Variants in PPARD observed in about 807,000 individuals in gnomAD.
The protein encoded by PPARD is peroxisome proliferator-activated receptor delta.
Under a neutral mutation model 39.5 loss-of-function variants are expected in PPARD, and 6 were observed. The observed-to-expected ratio is 0.15, with a 90% CI of 0.08 to 0.30. The LOEUF is 0.30. Ranked by LOEUF, PPARD falls within the 10% of genes least tolerant of loss-of-function variation. PPARD has a pLI of 1.00. For missense variants in PPARD, 397 were observed against 596.8 expected (o/e 0.67, Z 3.49); for synonymous variants, 210 against 231.3 (o/e 0.91, Z 0.83).
chr6:35,386,870 T>G (rs548380358), intron 2 of PPARD, among the ~76,000 whole-genome samples: 1 of 152,050 alleles, frequency 6.6e-6, no homozygotes, highest in Non-Finnish European at 1.5e-5. Flanking sequence ...TGTGGGACCC[T>G]TAGTGCTGTG....
chr6:35,418,262 G>A (rs1216204815), intron 3 of PPARD, among the ~76,000 whole-genome samples: 2 of 152,232 alleles, frequency 1.3e-5, no homozygotes, highest in East Asian at 3.9e-4. Context: ...ATCTGCACAG[G>A]CATCCACAAA....
intron 3 of PPARD, among the ~76,000 whole-genome samples, chr6:35,415,798 G>A (rs551318938): frequency 1.3e-5 from 2 of 152,004 alleles, no homozygotes; most frequent in East Asian, 1.9e-4. Flanking sequence ...GTGTGTGTGT[G>A]TGTGTTGAAA....
At chr6:35,353,340 AG>A in intron 2 of PPARD, among the ~76,000 whole-genome samples, 1 of 152,268 alleles carries the variant, frequency 6.6e-6, no homozygotes, top group South Asian at 2.1e-4. Flanking sequence ...ATTAAATCTG[AG>A]TTCCTCTGGT....
intron 2 of PPARD, among the ~76,000 whole-genome samples, chr6:35,367,825 TG>T (rs1762285166): frequency 1.3e-5 from 2 of 152,270 alleles, no homozygotes; most frequent in Non-Finnish European, 2.9e-5. Context: ...TGTTGAGGCC[TG>T]GGCTCACGTC....
chr6:35,355,552 T>TAAAA (rs1171537260), intron 2 of PPARD, among the ~76,000 whole-genome samples: 3 of 59,418 alleles, frequency 5.0e-5, no homozygotes, highest in Non-Finnish European at 6.0e-5. Flanking sequence ...GCCCTGTCTG[T>TAAAA]AAAAAAAAAA....
intron 2 of PPARD, among the ~76,000 whole-genome samples, chr6:35,392,172 C>A (rs1764045285): frequency 6.6e-6 from 1 of 152,066 alleles, no homozygotes; most frequent in African/African-American, 2.4e-5. Flanking sequence ...GCCTGTACTT[C>A]CCAGTCTGGG....
chr6:35,372,653 G>A (rs1379184578), intron 2 of PPARD, among the ~76,000 whole-genome samples: 4 of 152,202 alleles, frequency 2.6e-5, no homozygotes, highest in Admixed American at 6.5e-5. Context: ...AGCTGGGCAT[G>A]GTGAGGGCTA....
intron 2 of PPARD, among the ~76,000 whole-genome samples, chr6:35,390,634 A>G (rs988034563): frequency 3.9e-5 from 6 of 152,166 alleles, no homozygotes; most frequent in African/African-American, 1.2e-4. Context: ...TAATAAATGG[A>G]ATTATTTTTT....
chr6:35,370,605 C>T (rs1762433976), intron 2 of PPARD, among the ~76,000 whole-genome samples: 2 of 151,734 alleles, frequency 1.3e-5, no homozygotes, highest in Admixed American at 6.6e-5. Flanking sequence ...AGTCCCTGCT[C>T]CTCTCCACAC....
chr6:35,377,132 T>TC (rs1196694264), intron 2 of PPARD, among the ~76,000 whole-genome samples: 1 of 152,172 alleles, frequency 6.6e-6, no homozygotes, highest in Non-Finnish European at 1.5e-5. Context: ...GAGGCTCTCT[T>TC]CTTGATACTG....
chr6:35,383,673 G>C (rs56807241), intron 2 of PPARD, among the ~76,000 whole-genome samples: 2,168 of 126,414 alleles, frequency 0.017, 4 homozygotes, highest in African/African-American at 0.062. Context: ...GAGCGCCTCT[G>C]CCCCGCCGCC....
At chr6:35,348,183 C>T (rs952941884) in intron 2 of PPARD, among the ~76,000 whole-genome samples, 2 of 152,300 alleles carry the variant, frequency 1.3e-5, no homozygotes, top group Admixed American at 6.5e-5. Context: ...GCTGGGATTA[C>T]AGATGTGAGC....
At chr6:35,343,594 CAG>C (rs1161508003) in intron 1 of PPARD, among the ~76,000 whole-genome samples, 1 of 152,208 alleles carries the variant, frequency 6.6e-6, no homozygotes, top group African/African-American at 2.4e-5. Flanking sequence ...AAGGAAATAA[CAG>C]ATTGTGTGGG....
chr6:35,417,531 C>T (rs1250567596), intron 3 of PPARD, among the ~76,000 whole-genome samples: 9 of 152,112 alleles, frequency 5.9e-5, no homozygotes, highest in African/African-American at 2.2e-4. Flanking sequence ...GCCTTGGCCT[C>T]CCAAAGTACT....
intron 2 of PPARD, among the ~76,000 whole-genome samples, chr6:35,402,420 A>G (rs997182431): frequency 6.6e-6 from 1 of 152,022 alleles, no homozygotes; most frequent in Non-Finnish European, 1.5e-5. Flanking sequence ...CTTTCTCCCT[A>G]CTGCAGGTGG....
At chr6:35,410,346 C>T (rs1008020518) in intron 2 of PPARD, among the ~76,000 whole-genome samples, 4 of 152,210 alleles carry the variant, frequency 2.6e-5, no homozygotes, top group Non-Finnish European at 4.4e-5. Flanking sequence ...GTGATGTGGA[C>T]GTGGCATCAC....
chr6:35,371,409 T>TA (rs1762477246), intron 2 of PPARD, among the ~76,000 whole-genome samples: 1 of 152,180 alleles, frequency 6.6e-6, no homozygotes, highest in Non-Finnish European at 1.5e-5. Flanking sequence ...CATCTGCTCT[T>TA]ATAGCTACCA....
chr6:35,420,245 C>A lies in PPARD; in HGVS notation c.249C>A (p.Gly83=). The part of the protein sequence containing the change: ...ECRVCGDKAS[G]FHYGVHACEG... ...GGGTGTGCGGGGACAAGGCATCGGG[C>A]TTCCACTACGGTGTTCATGCATGTG... Residue 83 remains glycine (G), a synonymous_variant, in exon 4 of 8, where the codon GGC becomes GGA. Coordinates refer to ENST00000360694, the MANE Select transcript of PPARD (RefSeq NM_006238.5). 6.2e-7 allele frequency: 1 copy of A among 1,602,368 alleles called. No homozygotes were observed.
intron 2 of PPARD, among the ~76,000 whole-genome samples, chr6:35,349,183 G>A (rs1238146717): frequency 1.3e-5 from 2 of 151,996 alleles, no homozygotes; most frequent in Non-Finnish European, 2.9e-5. Flanking sequence ...CCGCCACCAC[G>A]CCCGGCTAAT....
Sources: gnomAD v4.1 joint callset for allele counts (sites outside exome capture counted in the v4.1 genomes callset) on GRCh38, gnomAD v4.1.1 for gene constraint, MANE v1.5 for transcripts, NCBI Gene and HGNC (gene_info 2026-07-23, HGNC 2026-07-21) for gene names.